PXDNL: variants seen among roughly 807,000 people sequenced by gnomAD.
PXDNL encodes probable oxidoreductase PXDNL.
In PXDNL, 145 loss-of-function variants were observed where a neutral mutation model predicts 150.8. That is an observed-to-expected ratio of 0.96 (90% confidence interval 0.84 to 1.10). PXDNL has a LOEUF of 1.10. PXDNL is among the 50% of genes least tolerant of loss of function. PXDNL has a pLI of 0.00. For missense variants in PXDNL, 2,087 were observed against 1,873.9 expected (o/e 1.11, Z -2.10); for synonymous variants, 757 against 725.7 (o/e 1.04, Z -0.69).
In PXDNL at chr8:51,484,410, G is replaced by A. The variant is rs943320434; in HGVS notation, c.453-696C>T. On this transcript the variant is annotated intron_variant, in intron 5 of 22. Transcript: ENST00000356297. The stretch of plus-strand genomic sequence containing the variant: ...AGATTGCACCCCTACACTTCAGCCT[G>A]GGTGACAGAGCAAGACTCTGTCTCG... Among the ~76,000 whole-genome samples the A allele has an allele frequency of 1.0e-4, 15 of 148,796 alleles. 1 individual carries two copies. The Admixed American group carries it at 1.0e-3, about 10-fold the overall frequency.
intron 17 of PXDNL, among the ~76,000 whole-genome samples, chr8:51,382,316 G>A (rs79589174): frequency 2.0e-5 from 3 of 152,304 alleles, no homozygotes; most frequent in African/African-American, 7.2e-5. Flanking sequence ...CTGAGGAAGC[G>A]TGGCCCTGCT....
At chr8:51,495,470 C>CA (rs1280443626) in intron 5 of PXDNL, among the ~76,000 whole-genome samples, 1 of 151,918 alleles carries the variant, frequency 6.6e-6, no homozygotes, top group East Asian at 1.9e-4. Context: ...AAAAACCCTT[C>CA]AAAAAATCAA....
At chr8:51,773,629 G>A (rs2037322796) in intron 1 of PXDNL, among the ~76,000 whole-genome samples, 1 of 152,162 alleles carries the variant, frequency 6.6e-6, no homozygotes, top group Non-Finnish European at 1.5e-5. Flanking sequence ...ATTTATTTTT[G>A]TACTGGGACT....
At chr8:51,497,226 A>C (rs1025888387) in intron 5 of PXDNL, among the ~76,000 whole-genome samples, 1 of 152,222 alleles carries the variant, frequency 6.6e-6, no homozygotes, top group Admixed American at 6.5e-5. Flanking sequence ...AAAACTGGCT[A>C]GCCATATGTA....
chr8:51,458,111 A>G (rs761321513), intron 8 of PXDNL, among the ~76,000 whole-genome samples: 2 of 152,358 alleles, frequency 1.3e-5, no homozygotes, highest in Non-Finnish European at 2.9e-5. Context: ...AAATATTCCT[A>G]TTCAAACCAG....
intron 4 of PXDNL, among the ~76,000 whole-genome samples, chr8:51,534,358 G>A (rs1177584327): frequency 6.8e-6 from 1 of 147,718 alleles, no homozygotes; most frequent in Non-Finnish European, 1.5e-5. Context: ...GAGGTGGGGG[G>A]GGGTCAGCCC....
At chr8:51,579,562 C>T (rs1813159816) in intron 3 of PXDNL, among the ~76,000 whole-genome samples, 1 of 151,906 alleles carries the variant, frequency 6.6e-6, no homozygotes, top group African/African-American at 2.4e-5. Context: ...ATCCAATTAC[C>T]ATGTAACCCA....
At chr8:51,799,256 A>T (rs1006679262) in intron 1 of PXDNL, among the ~76,000 whole-genome samples, 1 of 152,254 alleles carries the variant, frequency 6.6e-6, no homozygotes, top group East Asian at 1.9e-4. Flanking sequence ...AGGGAGGGAG[A>T]GCATCAGGAT....
At chr8:51,476,426 G>A (rs1037074397) in intron 6 of PXDNL, among the ~76,000 whole-genome samples, 2 of 152,168 alleles carry the variant, frequency 1.3e-5, no homozygotes, top group African/African-American at 4.8e-5. Flanking sequence ...CCAGTTAGAA[G>A]GTCCCCCTCT....
intron 3 of PXDNL, among the ~76,000 whole-genome samples, chr8:51,576,599 C>T (rs1813060743): frequency 6.6e-6 from 1 of 151,576 alleles, no homozygotes; most frequent in African/African-American, 2.4e-5. Context: ...ATCAAAACAA[C>T]CACTTCAGAA....
At chr8:51,774,823 C>G (rs2037335168) in intron 1 of PXDNL, among the ~76,000 whole-genome samples, 1 of 151,858 alleles carries the variant, frequency 6.6e-6, no homozygotes, top group African/African-American at 2.4e-5. Context: ...ATCTCAAAAA[C>G]AATAATAAAA....
chr8:51,696,822 CACACACACACACACACAG>C (rs1445995124), intron 1 of PXDNL, among the ~76,000 whole-genome samples: 22 of 149,026 alleles, frequency 1.5e-4, no homozygotes, highest in South Asian at 2.1e-4. Context: ...CACACACACA[CACACACACACACACACAG>C]GTCCTGACAC....
At chr8:51,466,036 G>GA (rs112190024) in intron 8 of PXDNL, among the ~76,000 whole-genome samples, 1,574 of 147,980 alleles carry the variant, frequency 0.011, 10 homozygotes, top group African/African-American at 0.033. Context: ...CACAGATTTA[G>GA]AAAAAAAAAA....
In PXDNL at chr8:51,581,459, A is replaced by G. The variant is rs933552524; in HGVS notation, c.308+11168T>C. Among the ~76,000 whole-genome samples, 4 of 151,164 alleles carry G rather than the reference A, an allele frequency of 2.6e-5. No individual in the cohort carries two copies. The East Asian group carries it at 7.7e-4, about 29-fold the overall frequency. ...CAGTGAGCTGAGATCGCACCACTGC[A>G]CTCCAGCCTAGATGACAGAGTGAGA... On this transcript the variant is annotated intron_variant, in intron 3 of 22. Transcript: ENST00000356297.
chr8:51,444,942 T>A (rs1460794457), intron 12 of PXDNL, among the ~76,000 whole-genome samples: 1 of 152,060 alleles, frequency 6.6e-6, no homozygotes, highest in African/African-American at 2.4e-5. Context: ...AGTCTTGCTT[T>A]GTTGCCCAGG....
chr8:51,561,249 T>C lies in PXDNL; in HGVS notation c.309-4338A>G, dbSNP rs77553915. ...TACCATCTAGCAATTCCTAGGCAAA[T>C]ATACTTCTGGGCATATATCTGAAAG... On this transcript the variant is annotated intron_variant, in intron 3 of 22. Coordinates refer to ENST00000356297, the MANE Select transcript of PXDNL (RefSeq NM_144651.5). Among the ~76,000 whole-genome samples, 828 of 151,994 alleles carry C rather than the reference T, an allele frequency of 5.4e-3. 5 individuals carry two copies. Among genetic ancestry groups the C allele is most frequent in the African/African-American group, 0.019 (786 of 41,508 alleles).
rs76476350 is a variant in PXDNL at position 51,342,103 on chromosome 8, A to G, written c.4017-2350T>C. ...ACAATACTGTATTGTACACTGACAA[A>G]TGTGTTAAGAGGTATGATCTCATGT... On this transcript the variant is annotated intron_variant, in intron 20 of 22. Coordinates refer to ENST00000356297, the MANE Select transcript of PXDNL (RefSeq NM_144651.5). Among the ~76,000 whole-genome samples the G allele has an allele frequency of 2.4e-4, 37 of 152,304 alleles. No individual in the cohort carries two copies. In the East Asian group the frequency reaches 6.6e-3, roughly 27 times the overall value.
chr8:51,607,900 G>GAA (rs1349375693), intron 2 of PXDNL, among the ~76,000 whole-genome samples: 20 of 129,020 alleles, frequency 1.6e-4, no homozygotes, highest in African/African-American at 7.0e-4. Flanking sequence ...AAGGAAGGTG[G>GAA]GGAGGGAGGG....
chr8:51,422,986 T>TAAG (rs1267797173), intron 14 of PXDNL, among the ~76,000 whole-genome samples: 3 of 152,264 alleles, frequency 2.0e-5, no homozygotes, highest in African/African-American at 7.2e-5. Context: ...ATATTTTTTA[T>TAAG]AAGACTACAG....
Sources: allele counts gnomAD v4.1 joint callset (sites outside exome capture counted in the v4.1 genomes callset), GRCh38; gene constraint gnomAD v4.1.1; transcripts MANE v1.5; gene names NCBI Gene and HGNC (gene_info 2026-07-23, HGNC 2026-07-21).